Variants in ZNF395 observed in about 807,000 individuals in gnomAD.
ZNF395 encodes the protein zinc finger protein 395.
Under a neutral mutation model 57.7 loss-of-function variants are expected in ZNF395, and 20 were observed. The ratio of observed to expected loss-of-function variants is 0.35; its 90% confidence interval spans 0.24 to 0.50. ZNF395 has a LOEUF of 0.50. Among genes scored for constraint, ZNF395 ranks in the 20% least tolerant of loss-of-function variants. The probability of loss-of-function intolerance (pLI) is 0.97; values close to 1 mark genes in which losing one functional copy is unlikely to be tolerated. For synonymous variants in ZNF395, 295 were observed against 275.9 expected, an observed-to-expected ratio of 1.07 and a Z score of -0.69; for missense variants, 606 against 671.2, an observed-to-expected ratio of 0.90 and a Z score of 1.07.
chr8:28,372,428 T>C (rs1801988682), intron 1 of ZNF395, among the ~76,000 whole-genome samples: 1 of 152,200 alleles, frequency 6.6e-6, no homozygotes, highest in Admixed American at 6.5e-5. Context: ...AAAGAGTTTG[T>C]GCAAATGCGG....
chr8:28,380,607 C>T (rs1802097372), intron 1 of ZNF395, among the ~76,000 whole-genome samples: 1 of 152,150 alleles, frequency 6.6e-6, no homozygotes, highest in Non-Finnish European at 1.5e-5. Context: ...CCATCCAGCC[C>T]ACGTCTTACC....
chr8:28,361,158 G>A lies in ZNF395; in HGVS notation c.-34C>T. 1 of 1,607,852 alleles carries A rather than the reference G, an allele frequency of 6.2e-7. No individual in the cohort carries two copies. The highest frequency in any genetic ancestry group is 1.3e-5 in the African/African-American group (1 of 75,030). On this transcript the variant is annotated 5_prime_UTR_variant, in exon 2 of 10. Transcript: ENST00000344423. ...CTCTCCTCTCCTGCGGAGGCGAAGG[G>A]GACACTGAAGCCTCTGCCCATCACC...
intron 1 of ZNF395, among the ~76,000 whole-genome samples, chr8:28,375,024 G>T (rs1469156355): frequency 2.0e-5 from 3 of 152,106 alleles, no homozygotes; most frequent in Admixed American, 2.0e-4. Flanking sequence ...AACCACATAG[G>T]TTACTGCTTT....
rs1473077559 is a variant in ZNF395, at chr8:28,352,596, T to C, written c.897A>G (p.Arg299=). The part of the protein sequence containing the change: ...KVLRSIVGIK[R]HVKALHLGDT... ...ACCCCAGATGGAGGGCTTTGACGTG[T>C]CGTTTGATGCCCACAATGGAGCGCA... Residue 299 remains arginine, a synonymous_variant, in exon 6 of 10, where the codon CGA becomes CGG. Coordinates refer to ENST00000344423, the MANE Select transcript of ZNF395 (RefSeq NM_018660.3). The surrounding 1 kb of genome is among the most constrained non-coding windows in gnomAD (Gnocchi z 4.0). 6.8e-6 allele frequency: 11 copies of C among 1,614,022 alleles called. No individual in the cohort carries two copies. Among genetic ancestry groups the C allele is most frequent in the Non-Finnish European group, 9.3e-6 (11 of 1,180,042 alleles).
At position 28,359,741 on chromosome 8, in the gene ZNF395, C is replaced by T; in HGVS notation, c.324G>A (p.Leu108=). Residue 108 remains leucine, a synonymous_variant, in exon 3 of 10, where the codon CTG becomes CTA. Transcript: ENST00000344423. The surrounding 1 kb of genome is among the most constrained non-coding windows in gnomAD (Gnocchi z 4.7). ...SWMEGQVTVW[L]LEQKLQVCCR... ...AGCAGACCTGCAGCTTCTGCTCCAG[C>T]AGCCAGACGGTCACCTGACCCTCCA... The T allele has an allele frequency of 6.2e-7, 1 of 1,614,124 alleles. No homozygotes were observed.
At chr8:28,383,626 T>C (rs1050401788) in intron 1 of ZNF395, among the ~76,000 whole-genome samples, 3 of 152,030 alleles carry the variant, frequency 2.0e-5, no homozygotes, top group Non-Finnish European at 4.4e-5. Context: ...AACCGAGCAA[T>C]GTCATGTGAA....
At chr8:28,378,811 A>G (rs1434352572) in intron 1 of ZNF395, among the ~76,000 whole-genome samples, 2 of 152,232 alleles carry the variant, frequency 1.3e-5, no homozygotes, top group African/African-American at 4.8e-5. Flanking sequence ...AACAGCATTC[A>G]GCCCTACTTG....
chr8:28,355,504 G>A (rs1162878479), intron 4 of ZNF395, among the ~76,000 whole-genome samples: 3 of 151,036 alleles, frequency 2.0e-5, no homozygotes, highest in Non-Finnish European at 4.4e-5. Flanking sequence ...TATCATCAGT[G>A]AGATGCTTCT....
At chr8:28,353,503 T>C (rs977288864) in intron 4 of ZNF395, 95 bp from the exon 5 acceptor site, 2 of 967,904 alleles carry the variant, frequency 2.1e-6, no homozygotes, top group Admixed American at 3.0e-5. Flanking sequence ...GAGGAGTTCA[T>C]TCATGGCAGC....
chr8:28,372,498 T>G (rs1801989520), intron 1 of ZNF395, among the ~76,000 whole-genome samples: 1 of 151,938 alleles, frequency 6.6e-6, no homozygotes, highest in Admixed American at 6.6e-5. Flanking sequence ...AAGAAAAAAA[T>G]GAAAACCATG....
intron 1 of ZNF395, among the ~76,000 whole-genome samples, chr8:28,376,650 A>C (rs979571002): frequency 2.6e-5 from 4 of 152,104 alleles, no homozygotes; most frequent in Admixed American, 2.6e-4. Context: ...TGTTAGCCCA[A>C]CTTTCCCCCA....
intron 7 of ZNF395, among the ~76,000 whole-genome samples, chr8:28,351,173 C>G (rs1172336961): frequency 6.6e-6 from 1 of 152,106 alleles, no homozygotes; most frequent in Non-Finnish European, 1.5e-5. Flanking sequence ...CTAGACGTCA[C>G]GTGGGAAGCC....
intron 1 of ZNF395, among the ~76,000 whole-genome samples, chr8:28,376,627 A>G (rs1802043978): frequency 6.7e-6 from 1 of 150,200 alleles, no homozygotes; most frequent in South Asian, 2.1e-4. Flanking sequence ...TCTCAAAACA[A>G]AAAAAAAAGG....
chr8:28,363,037 T>C (rs1801868812), intron 1 of ZNF395, among the ~76,000 whole-genome samples: 1 of 150,828 alleles, frequency 6.6e-6, no homozygotes, highest in South Asian at 2.1e-4. Flanking sequence ...ACTGTAACAA[T>C]AAAAAGGGAG....
At chr8:28,370,242 G>A (rs1801961107) in intron 1 of ZNF395, among the ~76,000 whole-genome samples, 2 of 152,114 alleles carry the variant, frequency 1.3e-5, no homozygotes, top group South Asian at 4.2e-4. Context: ...GAGGTTGAAG[G>A]AGACACAGGT....
chr8:28,378,305 C>T (rs1399733780), intron 1 of ZNF395, among the ~76,000 whole-genome samples: 2 of 152,178 alleles, frequency 1.3e-5, no homozygotes, highest in Non-Finnish European at 2.9e-5. Flanking sequence ...CGGCTCACTG[C>T]TCCTGGCTCA....
rs1341947250 is a variant in ZNF395, at chr8:28,350,136, G to C, written c.1254C>G (p.Ile418Met). 1 of 1,606,706 alleles carries C rather than the reference G, an allele frequency of 6.2e-7. No homozygotes were observed. The highest frequency in any genetic ancestry group is 8.5e-7 in the Non-Finnish European group (1 of 1,177,826). The change falls in exon 8 of 10, where the codon ATC becomes ATG. Residue 418 changes from isoleucine to methionine, a missense_variant. Ile to Met is a conservative substitution (Grantham distance 10, BLOSUM62 1). This residue lies in a region of ZNF395 where 261 missense variants were observed against 240.3 expected (regional missense o/e 1.09). Coordinates refer to ENST00000344423, the MANE Select transcript of ZNF395 (RefSeq NM_018660.3). Reference sequence around the variant, plus strand: ...TGGTGTAGATGTGTGGTGAGACTGGGATCTGGAAGGATGGCAGAGCCTGCG... The same window carrying C: ...TGGTGTAGATGTGTGGTGAGACTGGCATCTGGAAGGATGGCAGAGCCTGCG... ...HAYQALPSFQIPVSPHIYTSV... is the reference protein window; with the variant it reads ...HAYQALPSFQMPVSPHIYTSV...
At position 28,345,981 on chromosome 8, in the gene ZNF395, C is replaced by T. The variant is rs553807091; in HGVS notation, c.*2738G>A. On this transcript the variant is annotated 3_prime_UTR_variant, in exon 10 of 10. Coordinates refer to ENST00000344423, the MANE Select transcript of ZNF395 (RefSeq NM_018660.3). The stretch of plus-strand genomic sequence containing the variant: ...CAATTTAAAAGTCACATGATTGAAT[C>T]CAAGCTATTTTACTTTAAATGGTCC... 1.3e-5 allele frequency: 2 copies of T among 152,238 alleles called. No individual in the cohort carries two copies. Among genetic ancestry groups the T allele is most frequent in the Admixed American group, 1.3e-4 (2 of 15,290 alleles). The allele number at this position is 152,238 out of a possible 1,614,324, so 9.4% of individuals were successfully genotyped here.
chr8:28,353,187 G>A lies in ZNF395; in HGVS notation c.805C>T (p.Pro269Ser). 6.2e-7 allele frequency: 1 copy of A among 1,613,670 alleles called. No individual in the cohort carries two copies. Among genetic ancestry groups the A allele is most frequent in the Non-Finnish European group, 8.5e-7 (1 of 1,179,974 alleles). The change falls in exon 5 of 10, where the codon CCA becomes TCA. Residue 269 changes from proline (P) to serine (S), a missense_variant. Pro to Ser is a moderately conservative substitution (Grantham distance 74, BLOSUM62 -1). This residue lies in a region of ZNF395 where 309 missense variants were observed against 374.7 expected (regional missense o/e 0.82). Transcript: ENST00000344423. ...PDPFLLDEPA[P>S]RKRKNSVKVM... The stretch of plus-strand genomic sequence containing the variant: ...CAATCACGTACCTTTCTTTTTCGTG[G>A]AGCTGGTTCGTCCAGCAGGAAAGGG...
Sources: gnomAD v4.1 joint callset for allele counts (sites outside exome capture counted in the v4.1 genomes callset) on GRCh38, gnomAD v4.1.1 for gene constraint, gnomAD v4.1.1 regional missense constraint, Gnocchi (gnomAD v3.1) non-coding constraint, MANE v1.5 for transcripts, NCBI Gene and HGNC (gene_info 2026-07-23, HGNC 2026-07-21) for gene names.